The following INSR variants were observed in gnomAD, a reference collection of about 807,000 sequenced individuals.
The protein encoded by INSR is insulin receptor.
A neutral mutation model predicts 142.6 loss-of-function variants in INSR; 67 were observed. The observed-to-expected ratio is 0.47, with a 90% CI of 0.39 to 0.58. The LOEUF is 0.58. INSR is among the 20% of genes least tolerant of loss of function. INSR has a pLI of 0.00. For synonymous variants in INSR, 756 were observed against 743.1 expected (o/e 1.02, Z -0.28); for missense variants, 1,248 against 1,833.2 (o/e 0.68, Z 5.83).
In INSR at chr19:7,141,696, T is replaced by C. The variant is rs1458116205; in HGVS notation, c.2663A>G (p.Tyr888Cys). 2 of 1,614,236 alleles carry C rather than the reference T, an allele frequency of 1.2e-6. No individual in the cohort carries two copies. The highest frequency in any genetic ancestry group is 2.2e-5 in the East Asian group (1 of 44,886). The part of the protein sequence containing the change: ...NGLIVLYEVS[Y>C]RRYGDEELHL... ...CCTTACCTCATCACCATATCGCCGA[T>C]AACTCACTTCATACAGCACGATCAG... The change falls in exon 13 of 22, where the codon TAT becomes TGT. Residue 888 changes from tyrosine (Y) to cysteine (C), a missense_variant. Physicochemically the swap from Tyr to Cys is radical, Grantham distance 194. Transcript: ENST00000302850.
chr19:7,266,735 T>C (rs1967744031), intron 2 of INSR, among the ~76,000 whole-genome samples: 1 of 152,078 alleles, frequency 6.6e-6, no homozygotes, highest in Non-Finnish European at 1.5e-5. Context: ...AAACCTTCAG[T>C]AGACACGACA....
At chr19:7,219,940 T>C (rs1442726030) in intron 2 of INSR, among the ~76,000 whole-genome samples, 3 of 151,846 alleles carry the variant, frequency 2.0e-5, no homozygotes, top group Non-Finnish European at 4.4e-5. Flanking sequence ...TCACTCCCAC[T>C]AAAGTCCCAG....
intron 8 of INSR, among the ~76,000 whole-genome samples, chr19:7,163,951 T>TAAAAAAAAAA (rs1973826861): frequency 1.6e-5 from 1 of 63,860 alleles, no homozygotes; most frequent in Non-Finnish European, 3.5e-5. Flanking sequence ...AAAAAAAAAT[T>TAAAAAAAAAA]AGCTGGACAT....
rs1250679890 is a variant in INSR at position 7,267,787 on chromosome 19, G to A, written c.210C>T (p.Pro70=). Reference sequence around the variant, plus strand: ...GGAAACTGAGGTCTCGGAAATCTTCGGGCCTCGTTTTGAACATCAAGAGTA... The same window carrying A: ...GGAAACTGAGGTCTCGGAAATCTTCAGGCCTCGTTTTGAACATCAAGAGTA... ...LQILLMFKTR[P]EDFRDLSFPK... Residue 70 remains proline (P), a synonymous_variant, in exon 2 of 22, where the codon CCC becomes CCT. Transcript: ENST00000302850. This position sits in a 1 kb window ranked among gnomAD's most constrained non-coding sequence, Gnocchi z 6.3. 18 of 1,614,084 alleles carry A rather than the reference G, an allele frequency of 1.1e-5. No homozygotes were observed. The highest frequency in any genetic ancestry group is 1.7e-5 in the Admixed American group (1 of 59,994).
At chr19:7,199,928 A>G (rs1035941) in intron 2 of INSR, among the ~76,000 whole-genome samples, 113,908 of 151,800 alleles carry the variant, frequency 0.75, 42,955 homozygotes, top group African/African-American at 0.8. Context: ...TTGTAGGAAA[A>G]AAAAAATGCA....
At chr19:7,124,541 GAAAAAAAAAAAAAAAAAAAAAAA>G (rs531613079) in intron 17 of INSR, among the ~76,000 whole-genome samples, 3 of 9,922 alleles carry the variant, frequency 3.0e-4, no homozygotes, top group Non-Finnish European at 4.9e-4. Context: ...TCCGTTTCAG[GAAAAAAAAAAAAAAAAAAAAAAA>G]AAAAAAAAAA....
At position 7,174,564 on chromosome 19, in the gene INSR, C is replaced by A. The variant is rs751390673; in HGVS notation, c.1123+19G>T. 6.2e-7 allele frequency: 1 copy of A among 1,613,162 alleles called. No individual in the cohort carries two copies. The highest frequency in any genetic ancestry group is 8.5e-7 in the Non-Finnish European group (1 of 1,179,640). On this transcript the variant is annotated intron_variant, in intron 4 of 21. Coordinates refer to ENST00000302850, the MANE Select transcript of INSR (RefSeq NM_000208.4). ...TGGAGCCCAACAGGCACCCCCGACG[C>A]CCACACAGAGACACTCACTGCCTCC...
At chr19:7,170,905 G>GT (rs1462222278) in intron 5 of INSR, among the ~76,000 whole-genome samples, 154 bp from the exon 6 acceptor site, 6 of 152,110 alleles carry the variant, frequency 3.9e-5, no homozygotes, top group Non-Finnish European at 8.8e-5. Flanking sequence ...TGTTGAATGT[G>GT]GATAACAGAG....
chr19:7,171,580 T>G (rs1178702246), intron 5 of INSR, among the ~76,000 whole-genome samples: 1 of 152,128 alleles, frequency 6.6e-6, no homozygotes, highest in Non-Finnish European at 1.5e-5. Flanking sequence ...TGGAATATAC[T>G]GAGATGGAGT....
At chr19:7,149,820 C>CAA (rs200203455) in intron 11 of INSR, among the ~76,000 whole-genome samples, 4 of 142,908 alleles carry the variant, frequency 2.8e-5, no homozygotes, top group South Asian at 4.4e-4. Context: ...GAAATTCCAT[C>CAA]CAAAAAAAAA....
intron 1 of INSR, among the ~76,000 whole-genome samples, chr19:7,269,307 G>GA (rs201323770): frequency 2.7e-5 from 4 of 146,610 alleles, no homozygotes; most frequent in African/African-American, 1.0e-4. Flanking sequence ...GCAAACAAAT[G>GA]GGAAAAAAAA....
Position 7,150,413 on chromosome 19 carries a change from C to A in INSR, c.2267+84G>T. 1 of 1,311,230 alleles carries A rather than the reference C, an allele frequency of 7.6e-7. No homozygotes were observed. Among genetic ancestry groups the A allele is most frequent in the Non-Finnish European group, 1.1e-6 (1 of 912,392 alleles). The allele number at this position is 1,311,230 out of a possible 1,614,324, so 81.2% of individuals were successfully genotyped here. ...CGCCGCATGCAAAAAGCCACAGAAA[C>A]CCCTGGGTTCTCCGAGGCATCTGCC... is the stretch of plus-strand genomic sequence containing the variant. On this transcript the variant is annotated intron_variant, in intron 11 of 21. Transcript: ENST00000302850. The surrounding 1 kb of genome is among the most constrained non-coding windows in gnomAD (Gnocchi z 4.2).
chr19:7,130,377 A>G (rs929067994), intron 14 of INSR, among the ~76,000 whole-genome samples: 2 of 152,202 alleles, frequency 1.3e-5, no homozygotes, highest in African/African-American at 4.8e-5. Context: ...GACAGAAAGA[A>G]GTGAACAGTA....
intron 10 of INSR, chr19:7,152,470 A>T: frequency 1.9e-6 from 1 of 534,194 alleles, no homozygotes; most frequent in Non-Finnish European, 3.4e-6. Context: ...CCAGCTCAGG[A>T]GAGGTAAGAA....
At chr19:7,190,115 G>A (rs932032646) in intron 2 of INSR, among the ~76,000 whole-genome samples, 2 of 151,984 alleles carry the variant, frequency 1.3e-5, no homozygotes, top group African/African-American at 4.8e-5. Flanking sequence ...GGGAGGCTGA[G>A]GCGGGAGGAT....
chr19:7,183,263 G>GGTTTGT (rs112493965), intron 3 of INSR, among the ~76,000 whole-genome samples: 1 of 146,480 alleles, frequency 6.8e-6, no homozygotes, highest in Admixed American at 6.9e-5. Flanking sequence ...GTTGTTTTGT[G>GGTTTGT]GTGTGTGTGT....
chr19:7,279,513 G>A (rs1426871168), intron 1 of INSR, among the ~76,000 whole-genome samples: 1 of 149,870 alleles, frequency 6.7e-6, no homozygotes, highest in Non-Finnish European at 1.5e-5. Context: ...ACAGTTTAGA[G>A]TGGCAAGAAC....
chr19:7,153,289 CACCG>C (rs1973472726), intron 9 of INSR, among the ~76,000 whole-genome samples: 1 of 134,296 alleles, frequency 7.4e-6, no homozygotes, highest in Non-Finnish European at 1.5e-5. Context: ...CCACACCACA[CACCG>C]CACACACACC....
intron 5 of INSR, among the ~76,000 whole-genome samples, chr19:7,171,610 G>T (rs975209978): frequency 1.8e-4 from 28 of 152,054 alleles, no homozygotes; most frequent in African/African-American, 6.8e-4. Flanking sequence ...AAATTAGGAT[G>T]GACAACCGGG....
Sources: allele counts gnomAD v4.1 joint callset (sites outside exome capture counted in the v4.1 genomes callset), GRCh38; gene constraint gnomAD v4.1.1; non-coding constraint Gnocchi (gnomAD v3.1); transcripts MANE v1.5; gene names NCBI Gene and HGNC (gene_info 2026-07-23, HGNC 2026-07-21).